The following TMTC1 variants were observed in gnomAD, a reference collection of about 807,000 sequenced individuals.
The protein encoded by TMTC1 is transmembrane O-mannosyltransferase targeting cadherins 1.
Under a neutral mutation model 104.8 loss-of-function variants are expected in TMTC1, and 73 were observed. The ratio of observed to expected loss-of-function variants is 0.70; its 90% CI spans 0.58 to 0.85. The LOEUF (loss-of-function observed/expected upper bound fraction) is 0.85. Among genes scored for constraint, TMTC1 ranks in the 40% least tolerant of loss-of-function variants. The pLI, the probability that TMTC1 is intolerant of heterozygous loss-of-function variation, is 0.00. For missense variants in TMTC1, 1,035 were observed against 1,096.1 expected (o/e 0.94, Z 0.79); for synonymous variants, 434 against 428.7 (o/e 1.01, Z -0.15).
At chr12:29,759,973 A>G (rs1364182765) in intron 2 of TMTC1, among the ~76,000 whole-genome samples, 1 of 152,234 alleles carries the variant, frequency 6.6e-6, no homozygotes, top group East Asian at 1.9e-4. Context: ...AACGAGCCAC[A>G]TATATGATGG....
At chr12:29,594,698 C>T (rs117492744) in intron 7 of TMTC1, among the ~76,000 whole-genome samples, 1,891 of 152,266 alleles carry the variant, frequency 0.012, 15 homozygotes, top group Non-Finnish European at 0.017. Context: ...TTAGGTCCAC[C>T]CACATCCTCC....
intron 8 of TMTC1, among the ~76,000 whole-genome samples, chr12:29,573,909 G>C (rs1370486104): frequency 3.3e-5 from 5 of 152,106 alleles, no homozygotes; most frequent in Admixed American, 6.6e-5. Flanking sequence ...AAAAGAGAAG[G>C]ACTGAGCAGT....
intron 5 of TMTC1, among the ~76,000 whole-genome samples, chr12:29,680,810 A>T (rs1940889136): frequency 6.6e-6 from 1 of 152,176 alleles, no homozygotes; most frequent in Non-Finnish European, 1.5e-5. Flanking sequence ...GCCAGATGAG[A>T]AGTAAACTAA....
At position 29,532,476 on chromosome 12, in the gene TMTC1, C is replaced by T. The variant is rs188674436; in HGVS notation, c.1785+3733G>A. ...GTCCCAGCATTTGAAATATTATTAA[C>T]CATATATTACAGCAAATCATTTTGA... On this transcript the variant is annotated intron_variant, in intron 11 of 17. Transcript: ENST00000539277. 3.3e-5 allele frequency: 5 copies of T among 152,134 alleles called. No homozygotes were observed. The East Asian group carries it at 9.7e-4, about 29-fold the overall frequency. The allele number at this position is 152,134 out of a possible 1,614,324, so 9.4% of individuals were successfully genotyped here. A position where few individuals can be genotyped will look rare whatever the true frequency, so the allele number is the denominator to read the frequency against.
chr12:29,783,139 G>A lies in TMTC1; in HGVS notation c.302+311C>T. On this transcript the variant is annotated intron_variant, in intron 1 of 17. Transcript: ENST00000539277. This position sits in a 1 kb window ranked among gnomAD's most constrained non-coding sequence, Gnocchi z 4.7. ...TGGTCACGATCCGGCAGGCGAAGGG[G>A]TGCGGAGGCGGTTTCACCAGCCCGC... 3.1e-6 allele frequency: 1 copy of A among 318,940 alleles called. No individual in the cohort carries two copies. Among genetic ancestry groups the A allele is most frequent in the East Asian group, 4.9e-5 (1 of 20,404 alleles). The allele number at this position is 318,940 out of a possible 1,614,324, so 19.8% of individuals were successfully genotyped here.
intron 11 of TMTC1, 182 bp downstream of exon 11, chr12:29,536,027 G>A (rs1433535837): frequency 6.9e-6 from 4 of 581,562 alleles, no homozygotes; most frequent in Admixed American, 3.4e-5. Context: ...AGCGACCTGT[G>A]ATACACAGAG....
intron 5 of TMTC1, among the ~76,000 whole-genome samples, chr12:29,700,949 A>T: frequency 6.6e-6 from 1 of 152,178 alleles, no homozygotes; most frequent in East Asian, 1.9e-4. Flanking sequence ...AGTAAGGCTC[A>T]GGCACTTTGC....
Position 29,583,541 on chromosome 12 carries a change from C to T in TMTC1, c.1284G>A (p.Leu428=), listed in dbSNP as rs1367798426. 2 of 1,613,710 alleles carry T rather than the reference C, an allele frequency of 1.2e-6. No individual in the cohort carries two copies. Among genetic ancestry groups the T allele is most frequent in the South Asian group, 2.2e-5 (2 of 91,058 alleles). Residue 428 remains leucine (L), a synonymous_variant, in exon 8 of 18, where the codon CTG becomes CTA. Coordinates refer to ENST00000539277, the MANE Select transcript of TMTC1 (RefSeq NM_001193451.2). ...GATTCAGCCAAGTGCAGAGCTTGCT[C>T]AGTCCATGCACAAAAAGGATGCAGT... ...MGYCILFVHG[L]SKLCTWLNRC...
At position 29,631,867 on chromosome 12, in the gene TMTC1, CT is replaced by C. The variant is rs530581697; in HGVS notation, c.1128+1279del. On this transcript the variant is annotated intron_variant, in intron 6 of 17. Transcript: ENST00000539277. Reference sequence around the variant, plus strand: ...GGGGATTTCTCTTGTGCCAACATGGCTTTGTGATCAGCCAATGATTTGGGCA... The same window carrying C: ...GGGGATTTCTCTTGTGCCAACATGGCTTGTGATCAGCCAATGATTTGGGCA... Among the ~76,000 whole-genome samples the C allele has an allele frequency of 1.2e-3, 177 of 152,258 alleles. 2 individuals carry two copies. The highest frequency in any genetic ancestry group is 4.1e-3 in the African/African-American group (172 of 41,556).
intron 8 of TMTC1, among the ~76,000 whole-genome samples, chr12:29,572,957 G>C (rs564828489): frequency 2.0e-5 from 3 of 152,178 alleles, no homozygotes; most frequent in African/African-American, 7.2e-5. Flanking sequence ...GATGTAACAT[G>C]CAGTGTCCTC....
chr12:29,518,459 A>T lies in TMTC1; in HGVS notation c.2024+13T>A. 6.2e-7 allele frequency: 1 copy of T among 1,608,814 alleles called. No homozygotes were observed. Among genetic ancestry groups the T allele is most frequent in the Non-Finnish European group, 8.5e-7 (1 of 1,176,632 alleles). On this transcript the variant is annotated intron_variant, in intron 13 of 17. Transcript: ENST00000539277. ...TCCTGGGCAACTTATAAAGAAAAGA[A>T]AGGGAACTTTACCGCTTGTACCATT...
chr12:29,589,927 T>G (rs890149225), intron 7 of TMTC1, among the ~76,000 whole-genome samples: 9 of 152,194 alleles, frequency 5.9e-5, no homozygotes, highest in Non-Finnish European at 8.8e-5. Context: ...AAGAGTTGAG[T>G]AACTTGCCCA....
chr12:29,670,498 C>T (rs910955858), intron 5 of TMTC1, among the ~76,000 whole-genome samples: 1 of 152,152 alleles, frequency 6.6e-6, no homozygotes, highest in Non-Finnish European at 1.5e-5. Flanking sequence ...TCAGTCTGTG[C>T]CCTTAATCAC....
chr12:29,633,071 C>A, intron 6 of TMTC1, 76 bp downstream of exon 6: 2 of 1,346,706 alleles, frequency 1.5e-6, no homozygotes, highest in Non-Finnish European at 2.0e-6. Context: ...CCAGACCATC[C>A]GCACTAAAAA....
At chr12:29,604,614 G>A (rs952599589) in intron 6 of TMTC1, among the ~76,000 whole-genome samples, 1 of 152,220 alleles carries the variant, frequency 6.6e-6, no homozygotes, top group Admixed American at 6.5e-5. Flanking sequence ...TTCTGGCTCC[G>A]TTCAGAATCC....
chr12:29,593,203 T>C (rs1025546513), intron 7 of TMTC1, among the ~76,000 whole-genome samples: 21 of 152,212 alleles, frequency 1.4e-4, no homozygotes, highest in East Asian at 3.8e-4. Flanking sequence ...TTGTGATTCA[T>C]AGGACAAGGG....
intron 6 of TMTC1, among the ~76,000 whole-genome samples, chr12:29,631,156 C>T (rs746413751): frequency 6.6e-6 from 1 of 152,102 alleles, no homozygotes; most frequent in Non-Finnish European, 1.5e-5. Context: ...AGATACAAGG[C>T]CTTTGTAGAT....
intron 5 of TMTC1, among the ~76,000 whole-genome samples, chr12:29,751,377 C>T (rs187499315): frequency 1.9e-4 from 29 of 152,196 alleles, no homozygotes; most frequent in African/African-American, 4.8e-4. Context: ...CCCCAGGAAA[C>T]GTAGGGCGCC....
intron 1 of TMTC1, 130 bp from the exon 2 acceptor site, chr12:29,768,205 C>A (rs972238511): frequency 1.3e-6 from 1 of 745,808 alleles, no homozygotes; most frequent in Non-Finnish European, 2.1e-6. Context: ...TGATTCCCAA[C>A]ATTGGGTTAT....
Sources: allele counts gnomAD v4.1 joint callset (sites outside exome capture counted in the v4.1 genomes callset), GRCh38; gene constraint gnomAD v4.1.1; non-coding constraint Gnocchi (gnomAD v3.1); transcripts MANE v1.5; gene names NCBI Gene and HGNC (gene_info 2026-07-23, HGNC 2026-07-21).